Variants in SORCS2 observed in about 807,000 individuals in gnomAD.
SORCS2 encodes sortilin related VPS10 domain containing receptor 2.
Under a neutral mutation model 141.6 loss-of-function variants are expected in SORCS2, and 100 were observed. That is an observed-to-expected ratio of 0.71 (90% confidence interval 0.60 to 0.83). The LOEUF (loss-of-function observed/expected upper bound fraction) is 0.83, where lower values mean the gene tolerates loss of function less well. Ranked by LOEUF, SORCS2 falls within the 40% of genes least tolerant of loss-of-function variation. The pLI, the probability that SORCS2 is intolerant of heterozygous loss-of-function variation, is 0.00. For missense variants in SORCS2, 1,646 were observed against 1,560.2 expected (o/e 1.05, Z -0.93); for synonymous variants, 789 against 676.9 (o/e 1.17, Z -2.57).
chr4:7,361,296 T>C (rs1721564016), intron 1 of SORCS2, among the ~76,000 whole-genome samples: 1 of 152,334 alleles, frequency 6.6e-6, no homozygotes, highest in African/African-American at 2.4e-5. Context: ...AAAATGAGCC[T>C]GTGTCCCTGA....
At chr4:7,274,207 A>G (rs1715326898) in intron 1 of SORCS2, among the ~76,000 whole-genome samples, 2 of 152,348 alleles carry the variant, frequency 1.3e-5, no homozygotes, top group South Asian at 4.1e-4. Context: ...CCCTTTCCCC[A>G]TAGGCAGATG....
At chr4:7,300,328 A>G (rs1290596260) in intron 1 of SORCS2, among the ~76,000 whole-genome samples, 1 of 152,050 alleles carries the variant, frequency 6.6e-6, no homozygotes, top group Non-Finnish European at 1.5e-5. Context: ...GGTGGGGGGT[A>G]CTTTTCTGGG....
At chr4:7,397,042 A>G (rs1490062052) in intron 2 of SORCS2, among the ~76,000 whole-genome samples, 2 of 152,182 alleles carry the variant, frequency 1.3e-5, no homozygotes, top group Non-Finnish European at 2.9e-5. Flanking sequence ...TCTTTCTTCC[A>G]TGTACCGATT....
At chr4:7,438,899 A>C (rs1421814875) in intron 2 of SORCS2, among the ~76,000 whole-genome samples, 3 of 151,894 alleles carry the variant, frequency 2.0e-5, no homozygotes, top group Admixed American at 1.3e-4. Context: ...ATTGTTTTTG[A>C]TGCCTAAATT....
rs9760245 is a variant in SORCS2 at position 7,268,905 on chromosome 4, A to T, written c.480+75779A>T. Among the ~76,000 whole-genome samples the T allele has an allele frequency of 2.6e-3, 388 of 151,764 alleles. 1 individual carries two copies. The highest frequency in any genetic ancestry group is 0.01 in the South Asian group (50 of 4,792). On this transcript the variant is annotated intron_variant, in intron 1 of 26. Transcript: ENST00000507866. ...AGGCTGATACTCAGGGCATTTTAGG[A>T]TTGAGTGGGAATTCATAAGGCAGAG...
At chr4:7,595,563 C>T (rs1416400688) in intron 3 of SORCS2, among the ~76,000 whole-genome samples, 1 of 148,768 alleles carries the variant, frequency 6.7e-6, no homozygotes, top group East Asian at 2.1e-4. Flanking sequence ...CATTACCATA[C>T]GAAAGACGTT....
At chr4:7,264,043 A>G (rs1255238506) in intron 1 of SORCS2, among the ~76,000 whole-genome samples, 2 of 152,188 alleles carry the variant, frequency 1.3e-5, no homozygotes, top group African/African-American at 2.4e-5. Flanking sequence ...TCCTGAGGTC[A>G]CAGAGGCCCC....
intron 2 of SORCS2, among the ~76,000 whole-genome samples, chr4:7,519,717 G>A (rs1435812629): frequency 1.3e-5 from 2 of 152,228 alleles, no homozygotes; most frequent in East Asian, 3.9e-4. Context: ...GATCTCAGGG[G>A]AGGTCCCCGC....
chr4:7,497,448 C>G, intron 2 of SORCS2, among the ~76,000 whole-genome samples: 1 of 141,488 alleles, frequency 7.1e-6, no homozygotes, highest in Non-Finnish European at 1.6e-5. Context: ...GAGGCTGTCT[C>G]TTACCCCCTC....
chr4:7,195,758 C>T (rs1380784440), intron 1 of SORCS2, among the ~76,000 whole-genome samples: 1 of 152,244 alleles, frequency 6.6e-6, no homozygotes, highest in African/African-American at 2.4e-5. Context: ...CTAAAGATTT[C>T]AGCCAGGATT....
intron 3 of SORCS2, among the ~76,000 whole-genome samples, chr4:7,559,314 G>A (rs1339423204): frequency 6.6e-6 from 1 of 152,090 alleles, no homozygotes; most frequent in East Asian, 1.9e-4. Context: ...TTTATCTCGA[G>A]CCTGGCCCAG....
At chr4:7,266,093 G>A (rs1487190981) in intron 1 of SORCS2, among the ~76,000 whole-genome samples, 1 of 152,060 alleles carries the variant, frequency 6.6e-6, no homozygotes, top group African/African-American at 2.4e-5. Flanking sequence ...TCTGGAGCCC[G>A]AGGTGTTTCT....
chr4:7,527,190 T>G (rs896004899), intron 2 of SORCS2, among the ~76,000 whole-genome samples: 28 of 152,186 alleles, frequency 1.8e-4, no homozygotes, highest in Admixed American at 7.2e-4. Flanking sequence ...TACACATACC[T>G]CGGACCCGGC....
chr4:7,550,464 G>A (rs1713612852), intron 3 of SORCS2, among the ~76,000 whole-genome samples: 1 of 152,216 alleles, frequency 6.6e-6, no homozygotes, highest in African/African-American at 2.4e-5. Flanking sequence ...AGGCGGCTTT[G>A]GTGGTGATCG....
chr4:7,213,332 C>G (rs1020808532), intron 1 of SORCS2, among the ~76,000 whole-genome samples: 1 of 152,210 alleles, frequency 6.6e-6, no homozygotes, highest in East Asian at 1.9e-4. Context: ...CAGAGGCAAG[C>G]TGTCTTGGGA....
At chr4:7,610,697 T>C (rs1191181930) in intron 3 of SORCS2, among the ~76,000 whole-genome samples, 1 of 152,128 alleles carries the variant, frequency 6.6e-6, no homozygotes, top group Non-Finnish European at 1.5e-5. Context: ...ATCAGATTCT[T>C]AAATGGTTTA....
intron 3 of SORCS2, among the ~76,000 whole-genome samples, chr4:7,579,965 G>A (rs1716035643): frequency 6.6e-6 from 1 of 152,184 alleles, no homozygotes; most frequent in South Asian, 2.1e-4. Flanking sequence ...GCAGAGGGAA[G>A]GATGTGAGCA....
chr4:7,670,373 A>G (rs1722725178), intron 8 of SORCS2, among the ~76,000 whole-genome samples: 1 of 152,242 alleles, frequency 6.6e-6, no homozygotes, highest in South Asian at 2.1e-4. Flanking sequence ...AGCTATAAAT[A>G]GAGAAAAGAG....
rs142016285 is a variant in SORCS2 at position 7,609,688 on chromosome 4, C to T, written c.649-28640C>T. ...GGGCCAGTGTGACGGGGAAGGTGGA[C>T]GTGAGCTCCAGAGAGCGGCTCAGGA... On this transcript the variant is annotated intron_variant, in intron 3 of 26. Coordinates refer to ENST00000507866, the MANE Select transcript of SORCS2 (RefSeq NM_020777.3). 3.9e-3 allele frequency among the ~76,000 whole-genome samples: 592 copies of T among 152,364 alleles called. 4 individuals are homozygous for T. Among genetic ancestry groups the T allele is most frequent in the African/African-American group, 0.013 (557 of 41,580 alleles).
Sources: gnomAD v4.1 joint callset for allele counts (sites outside exome capture counted in the v4.1 genomes callset) on GRCh38, gnomAD v4.1.1 for gene constraint, MANE v1.5 for transcripts, NCBI Gene and HGNC (gene_info 2026-07-23, HGNC 2026-07-21) for gene names.